ROBO2: variants seen among roughly 807,000 people sequenced by gnomAD.
ROBO2 encodes roundabout homolog 2.
A neutral mutation model predicts 160.8 loss-of-function variants in ROBO2; 53 were observed. The observed-to-expected ratio is 0.33, with a 90% CI of 0.26 to 0.41. The LOEUF (loss-of-function observed/expected upper bound fraction) is 0.41. Ranked by LOEUF, ROBO2 falls within the 10% of genes least tolerant of loss-of-function variation. The pLI, the probability that ROBO2 is intolerant of heterozygous loss-of-function variation, is 1.00. For synonymous variants in ROBO2, 664 were observed against 611.7 expected, an observed-to-expected ratio of 1.09 and a Z score of -1.26; for missense variants, 1,577 against 1,722.4, an observed-to-expected ratio of 0.92 and a Z score of 1.49.
intron 2 of ROBO2, among the ~76,000 whole-genome samples, chr3:77,158,019 A>G (rs2078164499): frequency 6.6e-6 from 1 of 152,146 alleles, no homozygotes; most frequent in Non-Finnish European, 1.5e-5. Flanking sequence ...CAAAATTCTC[A>G]TATGAAATGA....
chr3:76,693,012 A>G (rs1307526236), intron 2 of ROBO2, among the ~76,000 whole-genome samples: 1 of 148,684 alleles, frequency 6.7e-6, no homozygotes, highest in East Asian at 2.0e-4. Flanking sequence ...GTATGTATAT[A>G]CACATATGTG....
chr3:77,144,331 A>T (rs2150461747), intron 2 of ROBO2, among the ~76,000 whole-genome samples: 1 of 152,208 alleles, frequency 6.6e-6, no homozygotes, highest in African/African-American at 2.4e-5. Context: ...TTTGTCCCCC[A>T]TATTTAACTC....
At chr3:76,185,606 G>A (rs1701725857) in intron 2 of ROBO2, among the ~76,000 whole-genome samples, 1 of 151,962 alleles carries the variant, frequency 6.6e-6, no homozygotes, top group African/African-American at 2.4e-5. Context: ...GATCAAAGGT[G>A]CTTCTGAAAA....
At chr3:77,441,974 C>T (rs2079964339) in intron 2 of ROBO2, among the ~76,000 whole-genome samples, 1 of 152,096 alleles carries the variant, frequency 6.6e-6, no homozygotes, top group Admixed American at 6.5e-5. Context: ...ACCCACAACA[C>T]ATTTTAGACT....
intron 2 of ROBO2, among the ~76,000 whole-genome samples, chr3:76,618,159 C>T (rs1195639467): frequency 6.6e-6 from 1 of 151,634 alleles, no homozygotes; most frequent in African/African-American, 2.4e-5. Flanking sequence ...CCCCATCTGA[C>T]TTGCAATCAG....
chr3:77,345,512 C>G lies in ROBO2; in HGVS notation c.389-131902C>G, dbSNP rs553533019. On this transcript the variant is annotated intron_variant, in intron 2 of 25. Coordinates refer to ENST00000461745, the Ensembl canonical transcript of ROBO2. ...GTATATTTGGTATTAAACAAATAAT[C>G]TTGACATCATGCTCACTGAATTGAT... Among the ~76,000 whole-genome samples the G allele has an allele frequency of 5.3e-5, 8 of 152,216 alleles. No individual in the cohort carries two copies. The South Asian group carries it at 1.7e-3, about 32-fold the overall frequency.
chr3:77,440,354 T>C (rs1025972865), intron 2 of ROBO2, among the ~76,000 whole-genome samples: 2 of 152,206 alleles, frequency 1.3e-5, no homozygotes, highest in Non-Finnish European at 2.9e-5. Flanking sequence ...AAACTCATTA[T>C]TAACTTGAGA....
chr3:77,034,512 C>T lies in ROBO2; in HGVS notation c.110-63502C>T, dbSNP rs936327621. Among the ~76,000 whole-genome samples the T allele has an allele frequency of 2.6e-5, 4 of 151,780 alleles. No homozygotes were observed. In the South Asian group the frequency reaches 6.2e-4, roughly 24 times the overall value. On this transcript the variant is annotated intron_variant, in intron 2 of 26. Coordinates refer to the ROBO2 transcript ENST00000487694. The stretch of plus-strand genomic sequence containing the variant: ...GCTCCCAAACAGATTAGTTCTTCTA[C>T]AGGATAAAACCATAGACAGTTCAAT...
At chr3:77,053,443 G>T (rs915113628) in intron 1 of ROBO2, among the ~76,000 whole-genome samples, 4 of 152,096 alleles carry the variant, frequency 2.6e-5, no homozygotes, top group Admixed American at 2.0e-4. Context: ...ACATGTTAAA[G>T]ACTCTGTGTG....
chr3:77,044,276 A>G (rs1338473575), intron 1 of ROBO2, among the ~76,000 whole-genome samples: 1 of 152,224 alleles, frequency 6.6e-6, no homozygotes. Context: ...ATGTAAGCAC[A>G]TTGTATAAGT....
intron 2 of ROBO2, among the ~76,000 whole-genome samples, chr3:76,722,640 C>G (rs2093483911): frequency 6.6e-6 from 1 of 152,170 alleles, no homozygotes; most frequent in South Asian, 2.1e-4. Flanking sequence ...GCCCCAGGGT[C>G]AATCACTAAT....
chr3:76,579,721 G>A (rs1377818164), intron 2 of ROBO2, among the ~76,000 whole-genome samples: 1 of 146,510 alleles, frequency 6.8e-6, no homozygotes, highest in Non-Finnish European at 1.5e-5. Context: ...AAATTTGGAA[G>A]CTGACAAAAT....
chr3:77,573,077 T>C (rs561294332), intron 13 of ROBO2, among the ~76,000 whole-genome samples: 1 of 152,142 alleles, frequency 6.6e-6, no homozygotes, highest in Admixed American at 6.6e-5. Flanking sequence ...CATTAATCTT[T>C]ACACTTTATT....
intron 2 of ROBO2, among the ~76,000 whole-genome samples, chr3:76,360,314 T>C (rs978286774): frequency 2.0e-5 from 3 of 152,096 alleles, no homozygotes; most frequent in African/African-American, 7.2e-5. Context: ...GAAAAGTGTT[T>C]GTACCCCCTG....
chr3:76,272,971 A>ATAT (rs1707648767), intron 2 of ROBO2, among the ~76,000 whole-genome samples: 1 of 19,920 alleles, frequency 5.0e-5, no homozygotes, highest in African/African-American at 9.7e-5. Flanking sequence ...TTTATATATA[A>ATAT]AATATATATA....
chr3:77,611,312 G>C (rs1377400337), intron 21 of ROBO2, among the ~76,000 whole-genome samples: 1 of 133,938 alleles, frequency 7.5e-6, no homozygotes, highest in African/African-American at 2.7e-5. Flanking sequence ...AAAAAAAAAA[G>C]AAAACTGCAT....
chr3:76,705,645 A>C (rs2093145495), intron 2 of ROBO2, among the ~76,000 whole-genome samples: 1 of 152,160 alleles, frequency 6.6e-6, no homozygotes, highest in Admixed American at 6.6e-5. Flanking sequence ...GAGCTATACA[A>C]GCTCTTCTCA....
chr3:76,446,303 G>A (rs4515051), intron 2 of ROBO2, among the ~76,000 whole-genome samples: 77,065 of 151,876 alleles, frequency 0.51, 19,954 homozygotes, highest in South Asian at 0.6. Flanking sequence ...GCTTCAAAGA[G>A]AATAAAATAC....
chr3:77,634,400 A>C, intron 23 of ROBO2: 1 of 180,680 alleles, frequency 5.5e-6, no homozygotes, highest in Non-Finnish European at 1.2e-5. Context: ...TTCAGATGTA[A>C]TTACTATATG....
Sources: allele counts gnomAD v4.1 joint callset (sites outside exome capture counted in the v4.1 genomes callset), GRCh38; gene constraint gnomAD v4.1.1; transcripts MANE v1.5; gene names NCBI Gene and HGNC (gene_info 2026-07-23, HGNC 2026-07-21).